AK9: variants seen among roughly 807,000 people sequenced by gnomAD.
AK9 encodes the protein adenylate kinase domain containing 1.
A neutral mutation model predicts 239.6 loss-of-function variants in AK9; 191 were observed. That is an observed-to-expected ratio of 0.80 (90% CI 0.71 to 0.90). The LOEUF (loss-of-function observed/expected upper bound fraction) is 0.90, where lower values mean the gene tolerates loss of function less well. Ranked by LOEUF, AK9 falls within the 40% of genes least tolerant of loss-of-function variation. The pLI, the probability that AK9 is intolerant of heterozygous loss-of-function variation, is 0.00. For synonymous variants in AK9, 689 were observed against 721.0 expected (o/e 0.96, Z 0.71); for missense variants, 1,995 against 2,214.7 (o/e 0.90, Z 1.99).
intron 13 of AK9, among the ~76,000 whole-genome samples, chr6:109,618,802 A>G (rs181358944): frequency 8.1e-4 from 114 of 140,830 alleles, no homozygotes; most frequent in Non-Finnish European, 1.5e-3. Context: ...GGTGTAGATA[A>G]AGGTGTAAAT....
At chr6:109,646,100 A>G (rs1433155902) in intron 8 of AK9, among the ~76,000 whole-genome samples, 1 of 152,338 alleles carries the variant, frequency 6.6e-6, no homozygotes, top group Non-Finnish European at 1.5e-5. Context: ...CACCATCATC[A>G]AAGACCAAAG....
rs1228936202 is a variant in AK9 at position 109,542,092 on chromosome 6, AT to A, written c.3304del (p.Ile1102PhefsTer4). 20 of 1,608,660 alleles carry A rather than the reference AT, an allele frequency of 1.2e-5. No individual in the cohort carries two copies. The highest frequency in any genetic ancestry group is 1.7e-5 in the Non-Finnish European group (20 of 1,175,986). The stretch of plus-strand genomic sequence containing the variant: ...CCACTCAGAAAGAATTACTTCAAGA[AT>A]TTCAGGAGGCAAGGGCTCATTTTCC... Reference protein sequence around the residue: ...LMENEPLPPEILEVILSEWWL... With the variant: ...LMENEPLPPEXLEVILSEWWL... On this transcript the variant is annotated frameshift_variant, in exon 27 of 41. Coordinates refer to ENST00000424296, the MANE Select transcript of AK9 (RefSeq NM_001145128.3). LOFTEE classifies it high-confidence loss of function.
chr6:109,516,828 T>G (rs571329164), intron 29 of AK9, among the ~76,000 whole-genome samples, 186 bp from the exon 30 acceptor site: 1 of 152,350 alleles, frequency 6.6e-6, no homozygotes, highest in South Asian at 2.1e-4. Context: ...AACACTTTTT[T>G]GTCACGTTGC....
chr6:109,496,221 C>T (rs920937793), intron 38 of AK9, among the ~76,000 whole-genome samples: 3 of 152,154 alleles, frequency 2.0e-5, no homozygotes, highest in African/African-American at 7.2e-5. Context: ...ATAATACTTT[C>T]CAGCTTCTTC....
chr6:109,512,977 C>T (rs1778908551), intron 32 of AK9, among the ~76,000 whole-genome samples: 1 of 152,182 alleles, frequency 6.6e-6, no homozygotes, highest in South Asian at 2.1e-4. Flanking sequence ...GGTCCTCCCA[C>T]CTCAGCCTCC....
intron 29 of AK9, among the ~76,000 whole-genome samples, chr6:109,523,871 C>G (rs1780137394): frequency 6.6e-6 from 1 of 152,102 alleles, no homozygotes; most frequent in African/African-American, 2.4e-5. Flanking sequence ...TTTATCTTAC[C>G]AAGTTAATTG....
At chr6:109,618,285 AG>A (rs1794409393) in intron 13 of AK9, among the ~76,000 whole-genome samples, 1 of 152,126 alleles carries the variant, frequency 6.6e-6, no homozygotes, top group African/African-American at 2.4e-5. Flanking sequence ...TTAAGAGGAA[AG>A]GTTTAGATTA....
At chr6:109,552,200 A>G (rs114620080) in intron 24 of AK9, among the ~76,000 whole-genome samples, 485 of 150,964 alleles carry the variant, frequency 3.2e-3, no homozygotes, top group African/African-American at 0.011. Flanking sequence ...GCTTGTGTCT[A>G]TAATAAACAC....
chr6:109,507,693 C>T (rs60640103), intron 33 of AK9, among the ~76,000 whole-genome samples: 13,082 of 152,148 alleles, frequency 0.086, 916 homozygotes, highest in African/African-American at 0.19. Flanking sequence ...TTGACCTAAG[C>T]CACAGGACCC....
chr6:109,577,923 T>TTTCA (rs1788320157), intron 20 of AK9, among the ~76,000 whole-genome samples: 1 of 148,242 alleles, frequency 6.7e-6, no homozygotes, highest in East Asian at 2.0e-4. Flanking sequence ...TCTTTCTTTC[T>TTTCA]TTTCTTCCTT....
Position 109,659,425 on chromosome 6 carries a change from C to T in AK9, c.445-12G>A, listed in dbSNP as rs374496457. On this transcript the variant is annotated splice_polypyrimidine_tract_variant and intron_variant, in intron 6 of 40. Coordinates refer to ENST00000424296, the MANE Select transcript of AK9 (RefSeq NM_001145128.3). ...TCATAGTCAGGACACTAAGAAACAA[C>T]ATTATTAAATCACTTAAAACATTTT... is the stretch of plus-strand genomic sequence containing the variant. The T allele has an allele frequency of 4.2e-4, 666 of 1,583,818 alleles. 2 individuals carry two copies. The highest frequency in any genetic ancestry group is 6.6e-4 in the Middle Eastern group (4 of 6,030).
At chr6:109,616,594 C>T (rs1320224477) in intron 13 of AK9, among the ~76,000 whole-genome samples, 2 of 151,744 alleles carry the variant, frequency 1.3e-5, no homozygotes, top group Non-Finnish European at 2.9e-5. Flanking sequence ...CCAGGCTGAT[C>T]TTGAACTCTT....
intron 2 of AK9, among the ~76,000 whole-genome samples, chr6:109,674,583 T>C (rs1771429987): frequency 6.6e-6 from 1 of 152,216 alleles, no homozygotes; most frequent in Non-Finnish European, 1.5e-5. Context: ...TCATTGTGAT[T>C]ATATTGGAGA....
rs759874965 is a variant in AK9, at chr6:109,550,085, C to T, written c.2964+5G>A. ...GCAATCATTAAGATAGGAATACTGT[C>T]TCACCTTCAATGGTTCTTCATGAGC... On this transcript the variant is annotated splice_donor_5th_base_variant and intron_variant, in intron 25 of 40. Transcript: ENST00000424296. 6.2e-7 allele frequency: 1 copy of T among 1,613,136 alleles called. No individual in the cohort carries two copies. The highest frequency in any genetic ancestry group is 1.1e-5 in the South Asian group (1 of 90,924).
rs1313545397 is a variant in AK9, at chr6:109,499,214, A to ATAAC, written c.4872_4875dup (p.Cys1626ValfsTer16). 1 of 1,551,744 alleles carries ATAAC rather than the reference A, an allele frequency of 6.4e-7. No individual in the cohort carries two copies. The highest frequency in any genetic ancestry group is 2.3e-5 in the East Asian group (1 of 43,202). On this transcript the variant is annotated frameshift_variant, in exon 36 of 41. Transcript: ENST00000424296. LOFTEE classifies it high-confidence loss of function. ...GAAAGCAGCTCTTGAGGTGTGATAC[A>ATAAC]TAACTTGTCAATGCAGGCAGCTTTT...
chr6:109,657,947 CAT>C (rs976735631), intron 7 of AK9, among the ~76,000 whole-genome samples: 3 of 152,138 alleles, frequency 2.0e-5, no homozygotes, highest in Admixed American at 6.6e-5. Context: ...AATGTACACA[CAT>C]ACATATTTGA....
chr6:109,501,773 G>T (rs1308077530), intron 35 of AK9, among the ~76,000 whole-genome samples: 1 of 152,204 alleles, frequency 6.6e-6, no homozygotes, highest in Non-Finnish European at 1.5e-5. Flanking sequence ...AAGGCTACCA[G>T]CCATGAATGA....
At chr6:109,672,087 A>T in intron 4 of AK9, 28 bp downstream of exon 4, 1 of 1,612,824 alleles carries the variant, frequency 6.2e-7, no homozygotes, top group Non-Finnish European at 8.5e-7. Flanking sequence ...TTGTAATCAT[A>T]GTTACTTTGA....
chr6:109,550,347 T>C, intron 24 of AK9, 45 bp from the exon 25 acceptor site: 2 of 1,523,160 alleles, frequency 1.3e-6, no homozygotes, highest in Non-Finnish European at 1.8e-6. Context: ...ACTAAAAAAG[T>C]ATTTTGATGC....
Sources: gnomAD v4.1 joint callset for allele counts (sites outside exome capture counted in the v4.1 genomes callset) on GRCh38, gnomAD v4.1.1 for gene constraint, MANE v1.5 for transcripts, NCBI Gene and HGNC (gene_info 2026-07-23, HGNC 2026-07-21) for gene names.